FKBP6: variants seen among roughly 807,000 people sequenced by gnomAD.
The protein encoded by FKBP6 is inactive peptidyl-prolyl cis-trans isomerase FKBP6.
Under a neutral mutation model 41.7 loss-of-function variants are expected in FKBP6, and 29 were observed. The ratio of observed to expected loss-of-function variants is 0.70; its 90% CI spans 0.52 to 0.95. The LOEUF (loss-of-function observed/expected upper bound fraction) is 0.95, where lower values mean the gene tolerates loss of function less well. Ranked by LOEUF, FKBP6 falls within the 40% of genes least tolerant of loss-of-function variation. The pLI, the probability that FKBP6 is intolerant of heterozygous loss-of-function variation, is 0.00. For missense variants in FKBP6, 338 were observed against 408.7 expected, an observed-to-expected ratio of 0.83 and a Z score of 1.49; for synonymous variants, 130 against 165.1, an observed-to-expected ratio of 0.79 and a Z score of 1.63.
chr7:73,337,204 G>A lies in FKBP6; in HGVS notation c.589-3434G>A, dbSNP rs183986368. Reference sequence around the variant, plus strand: ...GGAGACAGTTGATGGGAACTTGCCTGGTGAATGCCCAGAGTTTAGAGATGG... The same window carrying A: ...GGAGACAGTTGATGGGAACTTGCCTAGTGAATGCCCAGAGTTTAGAGATGG... On this transcript the variant is annotated intron_variant, in intron 5 of 8. Transcript: ENST00000252037. 1.2e-4 allele frequency among the ~76,000 whole-genome samples: 18 copies of A among 152,140 alleles called. No individual in the cohort carries two copies. In the East Asian group the frequency reaches 3.3e-3, roughly 28 times the overall value.
At position 73,341,338 on chromosome 7, in the gene FKBP6, A is replaced by G. The variant is rs994301423; in HGVS notation, c.849A>G (p.Gln283=). 3 of 1,613,514 alleles carry G rather than the reference A, an allele frequency of 1.9e-6. No homozygotes were observed. Among genetic ancestry groups the G allele is most frequent in the Non-Finnish European group, 2.5e-6 (3 of 1,179,548 alleles). ...RDFLVRAQKE[Q]PFNHDINNEL... is the part of the protein sequence containing the mutation. The stretch of plus-strand genomic sequence containing the variant: ...TTCTAGTTCGAGCCCAGAAGGAGCA[A>G]CCCTTCAATCATGACATCAATAATG... The change falls in exon 7 of 9, where the codon CAA becomes CAG. Residue 283 remains glutamine (Q), a synonymous_variant. Coordinates refer to ENST00000252037, the MANE Select transcript of FKBP6 (RefSeq NM_003602.5).
intron 8 of FKBP6, among the ~76,000 whole-genome samples, chr7:73,346,936 G>C (rs1319095552): frequency 2.6e-5 from 4 of 152,168 alleles, no homozygotes; most frequent in Non-Finnish European, 5.9e-5. Flanking sequence ...GAGGTGGGTG[G>C]GCAGAGGCCA....
intron 8 of FKBP6, among the ~76,000 whole-genome samples, chr7:73,351,992 A>G (rs140429911): frequency 1.6e-4 from 25 of 152,224 alleles, no homozygotes; most frequent in African/African-American, 5.8e-4. Context: ...TTTAAAAGAG[A>G]AACAAGGTCT....
At chr7:73,354,708 G>A (rs1554551641) in intron 8 of FKBP6, among the ~76,000 whole-genome samples, 1 of 152,188 alleles carries the variant, frequency 6.6e-6, no homozygotes, top group Non-Finnish European at 1.5e-5. Context: ...GTACAGCCTT[G>A]GTTCATCTGC....
At chr7:73,353,923 C>T (rs533838898) in intron 8 of FKBP6, among the ~76,000 whole-genome samples, 1 of 152,182 alleles carries the variant, frequency 6.6e-6, no homozygotes, top group Admixed American at 6.5e-5. Context: ...TTAGTAGAGA[C>T]GAGGTTTTAC....
chr7:73,353,546 C>T (rs782707117), intron 8 of FKBP6, among the ~76,000 whole-genome samples: 2 of 152,182 alleles, frequency 1.3e-5, no homozygotes, highest in African/African-American at 2.4e-5. Context: ...ATGGACACAG[C>T]TCACCTCATC....
chr7:73,328,315 G>T lies in FKBP6; in HGVS notation c.-114G>T. 1 of 1,549,408 alleles carries T rather than the reference G, an allele frequency of 6.5e-7. No individual in the cohort carries two copies. The highest frequency in any genetic ancestry group is 8.7e-7 in the Non-Finnish European group (1 of 1,146,682). On this transcript the variant is annotated 5_prime_UTR_variant, in exon 1 of 9. Transcript: ENST00000252037. ...GCCCCAGAATGGAATGCCGCCGTCG[G>T]TAGGGGTCTGCCGGGCATAAAGGGG...
intron 5 of FKBP6, among the ~76,000 whole-genome samples, chr7:73,334,639 A>G (rs920125631): frequency 2.6e-4 from 40 of 152,078 alleles, no homozygotes; most frequent in African/African-American, 8.5e-4. Context: ...AATTTTAGAA[A>G]ATTGAAGGGC....
intron 8 of FKBP6, among the ~76,000 whole-genome samples, chr7:73,357,714 G>A (rs1805674323): frequency 6.6e-6 from 1 of 152,022 alleles, no homozygotes; most frequent in Non-Finnish European, 1.5e-5. Context: ...AAGGGAAAGG[G>A]TAGCTCACGC....
intron 8 of FKBP6, among the ~76,000 whole-genome samples, chr7:73,351,432 G>A (rs1554551117): frequency 6.6e-6 from 1 of 152,096 alleles, no homozygotes; most frequent in East Asian, 1.9e-4. Flanking sequence ...TCTGGGCCAG[G>A]AAGGCATTCT....
intron 8 of FKBP6, among the ~76,000 whole-genome samples, chr7:73,355,334 A>G (rs1313270548): frequency 6.6e-6 from 1 of 152,200 alleles, no homozygotes; most frequent in Non-Finnish European, 1.5e-5. Flanking sequence ...TCTGTGCGAT[A>G]CATGTATTGG....
chr7:73,354,912 G>A lies in FKBP6; in HGVS notation c.*3-3269G>A, dbSNP rs536239792. On this transcript the variant is annotated intron_variant, in intron 8 of 8. Coordinates refer to ENST00000252037, the MANE Select transcript of FKBP6 (RefSeq NM_003602.5). ...CTGGCACACGACACCCACCGCCACC[G>A]TGGGAACGGCACCTGCTGAGCCTTG... 2.3e-3 allele frequency among the ~76,000 whole-genome samples: 351 copies of A among 152,334 alleles called. 2 individuals carry two copies. The highest frequency in any genetic ancestry group is 4.1e-3 in the Non-Finnish European group (279 of 68,030).
At chr7:73,339,171 T>C (rs1197165152) in intron 5 of FKBP6, 1 of 152,226 alleles carries the variant, frequency 6.6e-6, no homozygotes, top group Admixed American at 6.5e-5. Context: ...TCTTTCCAAT[T>C]TTTAGTATAT....
At chr7:73,354,557 C>T (rs1281131743) in intron 8 of FKBP6, among the ~76,000 whole-genome samples, 1 of 152,230 alleles carries the variant, frequency 6.6e-6, no homozygotes, top group Non-Finnish European at 1.5e-5. Context: ...GGGGTGAGGA[C>T]TCCTCAAAAA....
chr7:73,345,593 T>C (rs559336610), intron 8 of FKBP6, among the ~76,000 whole-genome samples: 1 of 152,320 alleles, frequency 6.6e-6, no homozygotes, highest in East Asian at 1.9e-4. Flanking sequence ...GAGGCCCTTG[T>C]GATCATTTTA....
rs902590867 is a variant in FKBP6, at chr7:73,343,778, A to G, written c.*2+879A>G. On this transcript the variant is annotated intron_variant, in intron 8 of 8. Transcript: ENST00000252037. The stretch of plus-strand genomic sequence containing the variant: ...AATCACCTGCCTGAAACACCTGCTT[A>G]GCTGCACAGATAACTCTGCTCTCTC... Among the ~76,000 whole-genome samples, 4 of 152,230 alleles carry G rather than the reference A, an allele frequency of 2.6e-5. No homozygotes were observed. In the South Asian group the frequency reaches 8.3e-4, roughly 31 times the overall value.
At position 73,328,245 on chromosome 7, in the gene FKBP6, G is replaced by A. The variant is rs1255917151; in HGVS notation, c.-184G>A. On this transcript the variant is annotated 5_prime_UTR_variant, in exon 1 of 9. Transcript: ENST00000252037. ...TAGTTCCAGAGCTCGCGAGGGCCAG[G>A]GCCGTTGGCGGCGGTTGGAACGAAA... 2.6e-6 allele frequency: 4 copies of A among 1,549,178 alleles called. No individual in the cohort carries two copies. The highest frequency in any genetic ancestry group is 3.5e-6 in the Non-Finnish European group (4 of 1,146,644).
At chr7:73,342,761 C>T in intron 7 of FKBP6, 46 bp from the exon 8 acceptor site, 1 of 1,352,648 alleles carries the variant, frequency 7.4e-7, no homozygotes, top group Non-Finnish European at 1.1e-6. Context: ...ATGTCACCTC[C>T]TCCAAACACA....
chr7:73,340,588 T>G, intron 5 of FKBP6, 50 bp from the exon 6 acceptor site: 1 of 1,497,364 alleles, frequency 6.7e-7, no homozygotes, highest in Non-Finnish European at 9.3e-7. Flanking sequence ...TTTAGGGTTT[T>G]GTACATAAGA....
Sources: allele counts gnomAD v4.1 joint callset (sites outside exome capture counted in the v4.1 genomes callset), GRCh38; gene constraint gnomAD v4.1.1; transcripts MANE v1.5; gene names NCBI Gene and HGNC (gene_info 2026-07-23, HGNC 2026-07-21).